PDLIM5: variants seen among roughly 807,000 people sequenced by gnomAD.
PDLIM5 encodes PDZ and LIM domain 5.
PDLIM5 carries 34 observed loss-of-function variants against 64.2 expected under a neutral mutation model. That is an observed-to-expected ratio of 0.53 (90% CI 0.40 to 0.71). The LOEUF (loss-of-function observed/expected upper bound fraction) is 0.71, where lower values mean the gene tolerates loss of function less well. PDLIM5 is among the 30% of genes least tolerant of loss of function. The pLI, the probability that PDLIM5 is intolerant of heterozygous loss-of-function variation, is 0.00. For missense variants in PDLIM5, 683 were observed against 733.6 expected (o/e 0.93, Z 0.80); for synonymous variants, 253 against 269.1 (o/e 0.94, Z 0.59).
intron 1 of PDLIM5, among the ~76,000 whole-genome samples, chr4:94,454,634 T>C (rs1332708210): frequency 4.6e-5 from 7 of 152,192 alleles, no homozygotes; most frequent in Non-Finnish European, 8.8e-5. Flanking sequence ...AAAGTAGATA[T>C]CACTTTAAGT....
At chr4:94,525,887 T>G (rs1730309285) in intron 3 of PDLIM5, among the ~76,000 whole-genome samples, 1 of 152,198 alleles carries the variant, frequency 6.6e-6, no homozygotes, top group African/African-American at 2.4e-5. Flanking sequence ...TAAAAAAATT[T>G]GTTTCATTAG....
chr4:94,622,980 A>G (rs1739371471), intron 8 of PDLIM5, among the ~76,000 whole-genome samples: 1 of 151,954 alleles, frequency 6.6e-6, no homozygotes, highest in African/African-American at 2.4e-5. Flanking sequence ...CCATTTCTTT[A>G]ACTATTAAAA....
intron 2 of PDLIM5, among the ~76,000 whole-genome samples, chr4:94,482,210 C>T (rs372951954): frequency 4.2e-4 from 63 of 151,642 alleles, no homozygotes; most frequent in African/African-American, 1.2e-3. Context: ...TGTTCTGTCA[C>T]CCAGGCTAGA....
chr4:94,492,665 A>G (rs1578246235), intron 2 of PDLIM5, among the ~76,000 whole-genome samples: 1 of 152,180 alleles, frequency 6.6e-6, no homozygotes, highest in South Asian at 2.1e-4. Flanking sequence ...TTCACTTACC[A>G]TAATGTTTTT....
In PDLIM5 at chr4:94,494,600, C is replaced by T. The variant is rs555401592; in HGVS notation, c.97-29124C>T. ...GATTACTGGCTCCTGCCACCATGCC[C>T]GGCTAATTTTTGTATTTTTAATGGA... On this transcript the variant is annotated intron_variant, in intron 2 of 12. Transcript: ENST00000317968. Among the ~76,000 whole-genome samples, 26 of 151,022 alleles carry T rather than the reference C, an allele frequency of 1.7e-4. No homozygotes were observed. The South Asian group carries it at 3.4e-3, about 20-fold the overall frequency.
At chr4:94,475,590 G>A (rs1725253794) in intron 2 of PDLIM5, among the ~76,000 whole-genome samples, 2 of 152,144 alleles carry the variant, frequency 1.3e-5, no homozygotes. Context: ...GAAAAATGTA[G>A]AATGGTGATT....
chr4:94,641,006 C>T (rs1331270240), intron 9 of PDLIM5, among the ~76,000 whole-genome samples: 1 of 152,164 alleles, frequency 6.6e-6, no homozygotes, highest in Non-Finnish European at 1.5e-5. Context: ...TTTATTGTCT[C>T]TTAAATTACA....
At chr4:94,538,907 G>A (rs1731541726) in intron 3 of PDLIM5, among the ~76,000 whole-genome samples, 1 of 152,156 alleles carries the variant, frequency 6.6e-6, no homozygotes. Context: ...GACAGATTGG[G>A]ATGAATGATG....
Position 94,563,788 on chromosome 4 carries a change from A to T in PDLIM5, c.249-9563A>T, listed in dbSNP as rs566141242. Among the ~76,000 whole-genome samples the T allele has an allele frequency of 1.5e-4, 23 of 152,270 alleles. No individual in the cohort carries two copies. The South Asian group carries it at 3.7e-3, about 25-fold the overall frequency. ...GTTGTTTTCTATTTGTGTTTTGTTC[A>T]TCACAATATATTTAAGATTTGGGGC... On this transcript the variant is annotated intron_variant, in intron 3 of 12. Coordinates refer to ENST00000317968, the MANE Select transcript of PDLIM5 (RefSeq NM_006457.5).
At chr4:94,467,000 C>T (rs995132065) in intron 2 of PDLIM5, among the ~76,000 whole-genome samples, 1 of 152,154 alleles carries the variant, frequency 6.6e-6, no homozygotes, top group Non-Finnish European at 1.5e-5. Flanking sequence ...TTAAAACAAA[C>T]AAGTTACAGT....
chr4:94,613,831 A>C (rs567631642), intron 7 of PDLIM5, among the ~76,000 whole-genome samples: 1 of 152,274 alleles, frequency 6.6e-6, no homozygotes, highest in East Asian at 1.9e-4. Context: ...TCAGAAATAA[A>C]ATAGCAATCT....
chr4:94,579,867 T>C (rs1048188081), intron 5 of PDLIM5, among the ~76,000 whole-genome samples: 1 of 152,176 alleles, frequency 6.6e-6, no homozygotes, highest in African/African-American at 2.4e-5. Context: ...TAAACATTTA[T>C]ACCACTAGTG....
intron 2 of PDLIM5, among the ~76,000 whole-genome samples, chr4:94,479,500 A>AT (rs1266967200): frequency 1.3e-3 from 179 of 138,378 alleles, no homozygotes; most frequent in Admixed American, 3.4e-3. Context: ...GCTGATTTTT[A>AT]TTTTTTTTTT....
rs532555634 is a variant in PDLIM5, at chr4:94,456,408, G to A, written c.96+1024G>A. Reference sequence around the variant, plus strand: ...AGACCAAGTTTCCCTATGTTGGTCAGGCTGGTCTTGAACTCCCGACCTCAG... The same window carrying A: ...AGACCAAGTTTCCCTATGTTGGTCAAGCTGGTCTTGAACTCCCGACCTCAG... On this transcript the variant is annotated intron_variant, in intron 2 of 12. Coordinates refer to ENST00000317968, the MANE Select transcript of PDLIM5 (RefSeq NM_006457.5). 2.7e-4 allele frequency: 183 copies of A among 682,934 alleles called. 1 individual carries two copies. The South Asian group carries it at 2.8e-3, about 10-fold the overall frequency. 42.3% of individuals were successfully genotyped at this position (682,934 alleles called of 1,614,324 possible).
intron 8 of PDLIM5, among the ~76,000 whole-genome samples, chr4:94,638,562 C>T (rs2110452416): frequency 2.0e-5 from 3 of 152,292 alleles, no homozygotes; most frequent in Middle Eastern, 6.8e-3. Flanking sequence ...ATTAATCTTT[C>T]CCAATTCCAA....
intron 8 of PDLIM5, among the ~76,000 whole-genome samples, chr4:94,625,352 G>A (rs938957264): frequency 3.3e-5 from 5 of 152,100 alleles, no homozygotes; most frequent in Non-Finnish European, 7.3e-5. Flanking sequence ...GTCCATGGAG[G>A]CAGGCATTCT....
chr4:94,573,302 T>A (rs1553960791), intron 3 of PDLIM5, 49 bp from the exon 4 acceptor site: 1 of 1,482,970 alleles, frequency 6.7e-7, no homozygotes, highest in South Asian at 1.2e-5. Context: ...TCTGCAAGTT[T>A]ATAAAAATTC....
intron 3 of PDLIM5, among the ~76,000 whole-genome samples, chr4:94,568,961 T>C (rs1396703725): frequency 1.3e-5 from 2 of 152,218 alleles, no homozygotes; most frequent in Admixed American, 6.5e-5. Flanking sequence ...ATTTGGGGTG[T>C]GCCCACAGTA....
At chr4:94,476,955 CTG>C (rs1400762002) in intron 2 of PDLIM5, among the ~76,000 whole-genome samples, 2 of 152,184 alleles carry the variant, frequency 1.3e-5, no homozygotes, top group Non-Finnish European at 2.9e-5. Context: ...ATCTGGCAGA[CTG>C]TGCAATTATA....
Sources: gnomAD v4.1 joint callset for allele counts (sites outside exome capture counted in the v4.1 genomes callset) on GRCh38, gnomAD v4.1.1 for gene constraint, MANE v1.5 for transcripts, NCBI Gene and HGNC (gene_info 2026-07-23, HGNC 2026-07-21) for gene names.